Variants in KBTBD11 observed in about 807,000 individuals in gnomAD.
KBTBD11 encodes kelch repeat and BTB domain-containing protein 11.
For synonymous variants in KBTBD11, 747 were observed against 499.0 expected (o/e 1.50, Z -6.63); for missense variants, 1,390 against 1,001.8 (o/e 1.39, Z -5.23).
intron 1 of KBTBD11, among the ~76,000 whole-genome samples, chr8:1,980,474 C>G (rs562535870): frequency 2.0e-5 from 3 of 152,310 alleles, no homozygotes; most frequent in East Asian, 3.9e-4. Flanking sequence ...ATCTGCCTGC[C>G]TCGGCCTCCC....
chr8:1,974,355 C>G, intron 1 of KBTBD11: 1 of 984,794 alleles, frequency 1.0e-6, no homozygotes, highest in Non-Finnish European at 1.2e-6. Context: ...AGGGTCCCGC[C>G]GCCCCAGCCG....
chr8:1,995,349 C>T (rs1204423014), intron 1 of KBTBD11, among the ~76,000 whole-genome samples: 1 of 152,162 alleles, frequency 6.6e-6, no homozygotes, highest in African/African-American at 2.4e-5. Context: ...TTCCCCAGGA[C>T]AGCACAGAAC....
At chr8:1,980,638 G>C (rs975365405) in intron 1 of KBTBD11, among the ~76,000 whole-genome samples, 16 of 152,250 alleles carry the variant, frequency 1.1e-4, no homozygotes, top group Non-Finnish European at 2.1e-4. Context: ...GGCATGGCCG[G>C]GTTGTGGTTT....
chr8:1,985,960 T>C (rs1000578908), intron 1 of KBTBD11, among the ~76,000 whole-genome samples: 1 of 152,258 alleles, frequency 6.6e-6, no homozygotes, highest in Non-Finnish European at 1.5e-5. Context: ...CACTCCCGCG[T>C]GGCAATTGCA....
At position 1,987,206 on chromosome 8, in the gene KBTBD11, G is replaced by C. The variant is rs544652129; in HGVS notation, c.-908-13079G>C. Among the ~76,000 whole-genome samples the C allele has an allele frequency of 2.6e-4, 40 of 152,070 alleles. No individual in the cohort carries two copies. In the East Asian group the frequency reaches 7.7e-3, roughly 29 times the overall value. On this transcript the variant is annotated intron_variant, in intron 1 of 1. Transcript: ENST00000320248. ...TTTTTACACTTCCATAAAAGACATA[G>C]GTGTTTTTTAATGTTTAAAATATAC...
At chr8:1,985,089 C>T (rs1412068361) in intron 1 of KBTBD11, among the ~76,000 whole-genome samples, 1 of 152,248 alleles carries the variant, frequency 6.6e-6, no homozygotes, top group Non-Finnish European at 1.5e-5. Flanking sequence ...ATCAGAAGCC[C>T]TTCTGTAGGA....
At chr8:1,995,101 T>C (rs1401013753) in intron 1 of KBTBD11, among the ~76,000 whole-genome samples, 1 of 151,094 alleles carries the variant, frequency 6.6e-6, no homozygotes, top group Non-Finnish European at 1.5e-5. Flanking sequence ...AGTATATACA[T>C]TGTGCTGTGG....
intron 1 of KBTBD11, among the ~76,000 whole-genome samples, chr8:1,992,951 T>G (rs2129313422): frequency 6.6e-6 from 1 of 152,216 alleles, no homozygotes; most frequent in East Asian, 1.9e-4. Flanking sequence ...ATTGTTATTA[T>G]TTTTGAGACA....
Position 2,002,509 on chromosome 8 carries a change from G to A in KBTBD11, c.1317G>A (p.Ala439=), listed in dbSNP as rs1817422024. Residue 439 remains alanine (A), a synonymous_variant, in exon 2 of 2, where the codon GCG becomes GCA. Coordinates refer to ENST00000320248, the MANE Select transcript of KBTBD11 (RefSeq NM_014867.3). The surrounding 1 kb of genome is among the most constrained non-coding windows in gnomAD (Gnocchi z 4.1). ...GCGCCGACCGCTGGGCCCCCGTGGC[G>A]CCGCTGCCCCGGGGCGCCTTCGCCG... ...DPRADRWAPV[A]PLPRGAFAVA... is the part of the protein sequence containing the mutation. 3 of 1,514,760 alleles carry A rather than the reference G, an allele frequency of 2.0e-6. No individual in the cohort carries two copies. The highest frequency in any genetic ancestry group is 1.2e-5 in the South Asian group (1 of 81,744). The allele number at this position is 1,514,760 out of a possible 1,614,324, so 93.8% of individuals were successfully genotyped here.
In KBTBD11 at chr8:2,002,154, C is replaced by G; in HGVS notation, c.962C>G (p.Ala321Gly). 8.4e-7 allele frequency: 1 copy of G among 1,187,010 alleles called. No homozygotes were observed. The highest frequency in any genetic ancestry group is 1.0e-6 in the Non-Finnish European group (1 of 961,800). The allele number at this position is 1,187,010 out of a possible 1,614,324, so 73.5% of individuals were successfully genotyped here. Residue 321 changes from alanine (A) to glycine (G), a missense_variant, in exon 2 of 2, where the codon GCG (alanine) becomes GGG (glycine). By Grantham distance (60) the Ala-to-Gly change is moderately conservative. Coordinates refer to ENST00000320248, the MANE Select transcript of KBTBD11 (RefSeq NM_014867.3). This position sits in a 1 kb window ranked among gnomAD's most constrained non-coding sequence, Gnocchi z 4.1. ...RPQSPSGDAD[A>G]RGDAAVYCFH... is the part of the protein sequence containing the mutation. ...CAGAGCCCCTCGGGGGACGCGGACG[C>G]GCGCGGGGACGCGGCCGTCTACTGC...
rs779880743 is a variant in KBTBD11, at chr8:2,002,579, G to C, written c.1387G>C (p.Gly463Arg). 10 of 1,581,750 alleles carry C rather than the reference G, an allele frequency of 6.3e-6. No homozygotes were observed. Among genetic ancestry groups the C allele is most frequent in the Non-Finnish European group, 8.5e-6 (10 of 1,173,088 alleles). Reference sequence around the variant, plus strand: ...CTGCCACGGCGAGATCTACGTGTCCGGGGGCTCCCTCTTCTATCGCCTGCT... The same window carrying C: ...CTGCCACGGCGAGATCTACGTGTCCCGGGGCTCCCTCTTCTATCGCCTGCT... ...TTCHGEIYVS[G>R]GSLFYRLLKY... The change falls in exon 2 of 2, where the codon GGG (glycine) becomes CGG (arginine). Residue 463 changes from glycine (G) to arginine (R), a missense_variant. Transcript: ENST00000320248. This position sits in a 1 kb window ranked among gnomAD's most constrained non-coding sequence, Gnocchi z 4.1.
At position 2,002,559 on chromosome 8, in the gene KBTBD11, A is replaced by C. The variant is rs1817425660; in HGVS notation, c.1367A>C (p.His456Pro). 1 of 1,576,262 alleles carries C rather than the reference A, an allele frequency of 6.3e-7. No homozygotes were observed. The highest frequency in any genetic ancestry group is 8.5e-7 in the Non-Finnish European group (1 of 1,170,796). The change falls in exon 2 of 2, where the codon CAC becomes CCC. Residue 456 changes from histidine to proline, a missense_variant. Physicochemically the swap from His to Pro is moderately conservative, Grantham distance 77 (BLOSUM62 -2). Coordinates refer to ENST00000320248, the MANE Select transcript of KBTBD11 (RefSeq NM_014867.3). This position sits in a 1 kb window ranked among gnomAD's most constrained non-coding sequence, Gnocchi z 4.1. The part of the protein sequence containing the change: ...FAVAHEATTC[H>P]GEIYVSGGSL... Reference sequence around the variant, plus strand: ...GTGGCGCATGAGGCCACCACCTGCCACGGCGAGATCTACGTGTCCGGGGGC... The same window carrying C: ...GTGGCGCATGAGGCCACCACCTGCCCCGGCGAGATCTACGTGTCCGGGGGC...
At position 2,005,130 on chromosome 8, in the gene KBTBD11, C is replaced by G. The variant is rs1185393112; in HGVS notation, c.*2066C>G. On this transcript the variant is annotated 3_prime_UTR_variant, in exon 2 of 2. Coordinates refer to ENST00000320248, the MANE Select transcript of KBTBD11 (RefSeq NM_014867.3). ...GTTGGATGGGGGTGGTTGCACAGTC[C>G]TGTGCGGTTCCCATGGCTTTCCAGC... 6.0e-6 allele frequency: 1 copy of G among 167,104 alleles called. No homozygotes were observed. The highest frequency in any genetic ancestry group is 2.4e-5 in the African/African-American group (1 of 41,454). 10.4% of individuals were successfully genotyped at this position (167,104 alleles called of 1,614,324 possible). A position where few individuals can be genotyped will look rare whatever the true frequency, so the allele number is the denominator to read the frequency against.
intron 1 of KBTBD11, among the ~76,000 whole-genome samples, chr8:1,977,102 C>T (rs1007654374): frequency 1.3e-5 from 2 of 150,682 alleles, no homozygotes; most frequent in South Asian, 2.1e-4. Context: ...TTTTTAAGCT[C>T]ATCATCTATC....
chr8:1,975,489 C>T (rs1816304750), intron 1 of KBTBD11, among the ~76,000 whole-genome samples: 1 of 152,214 alleles, frequency 6.6e-6, no homozygotes, highest in South Asian at 2.1e-4. Flanking sequence ...GTATTGTGCA[C>T]GCTGCACAGG....
chr8:1,973,913 G>GGC lies in KBTBD11; in HGVS notation c.-930_-929dup. Reference sequence around the variant, plus strand: ...CCTGGCTGCGCGTCCCGGGCCCGGCGGCTGAAGAGGAGCCGCGGCGAGGTA... The same window carrying GGC: ...CCTGGCTGCGCGTCCCGGGCCCGGCGGCGCTGAAGAGGAGCCGCGGCGAGGTA... On this transcript the variant is annotated 5_prime_UTR_variant, in exon 1 of 2. It removes the in-frame stop codon of an upstream open reading frame in the 5' UTR. Transcript: ENST00000320248. The GGC allele has an allele frequency of 1.0e-6, 1 of 982,856 alleles. No individual in the cohort carries two copies. The highest frequency in any genetic ancestry group is 1.2e-6 in the Non-Finnish European group (1 of 828,712). 60.9% of individuals were successfully genotyped at this position (982,856 alleles called of 1,614,324 possible). A position where few individuals can be genotyped will look rare whatever the true frequency, so the allele number is the denominator to read the frequency against.
rs1478218754 is a variant in KBTBD11 at position 2,001,499 on chromosome 8, C to A, written c.307C>A (p.Pro103Thr). Residue 103 changes from proline to threonine, a missense_variant, in exon 2 of 2, where the codon CCC becomes ACC. Coordinates refer to ENST00000320248, the MANE Select transcript of KBTBD11 (RefSeq NM_014867.3). Reference sequence around the variant, plus strand: ...TGAGGAGCGCGCGTGCCCGGAAGAGCCCGCGGCGCCGTCCCCCGAACCGCG... The same window carrying A: ...TGAGGAGCGCGCGTGCCCGGAAGAGACCGCGGCGCCGTCCCCCGAACCGCG... ...SPEERACPEEPAAPSPEPRVW... is the reference protein window; with the variant it reads ...SPEERACPEETAAPSPEPRVW... 7.2e-7 allele frequency: 1 copy of A among 1,389,944 alleles called. No individual in the cohort carries two copies. Among genetic ancestry groups the A allele is most frequent in the Non-Finnish European group, 9.3e-7 (1 of 1,078,174 alleles). 86.1% of individuals were successfully genotyped at this position (1,389,944 alleles called of 1,614,324 possible).
In KBTBD11 at chr8:1,994,077, G is replaced by C. The variant is rs1032614164; in HGVS notation, c.-908-6208G>C. Among the ~76,000 whole-genome samples, 59 of 152,190 alleles carry C rather than the reference G, an allele frequency of 3.9e-4. 2 individuals are homozygous for C. The highest frequency in any genetic ancestry group is 6.5e-5 in the Admixed American group (1 of 15,294). ...TTGGGAGCAGATTGCTCAATACTTC[G>C]TTTACCGGCCTACGGAGCTTAGACT... On this transcript the variant is annotated intron_variant, in intron 1 of 1. Coordinates refer to ENST00000320248, the MANE Select transcript of KBTBD11 (RefSeq NM_014867.3).
chr8:1,979,218 T>C (rs902862485), intron 1 of KBTBD11, among the ~76,000 whole-genome samples: 1 of 152,194 alleles, frequency 6.6e-6, no homozygotes, highest in African/African-American at 2.4e-5. Context: ...CAGTCCCTCC[T>C]CCTCGGGAAC....
Sources: gnomAD v4.1 joint callset for allele counts (sites outside exome capture counted in the v4.1 genomes callset) on GRCh38, gnomAD v4.1.1 for gene constraint, Gnocchi (gnomAD v3.1) non-coding constraint, MANE v1.5 for transcripts, NCBI Gene and HGNC (gene_info 2026-07-23, HGNC 2026-07-21) for gene names.